HIKESHI: variants seen among roughly 807,000 people sequenced by gnomAD.
HIKESHI encodes protein Hikeshi.
In HIKESHI, 13 loss-of-function variants were observed where a neutral mutation model predicts 25.7. The observed-to-expected ratio is 0.51, with a 90% CI of 0.33 to 0.80. The LOEUF is 0.80. Ranked by LOEUF, HIKESHI falls within the 30% of genes least tolerant of loss-of-function variation. HIKESHI has a pLI of 0.02. For synonymous variants in HIKESHI, 76 were observed against 78.7 expected (o/e 0.97, Z 0.18); for missense variants, 174 against 229.5 (o/e 0.76, Z 1.56).
chr11:86,307,010 A>AGT (rs1946643984), intron 2 of HIKESHI, among the ~76,000 whole-genome samples: 2 of 142,014 alleles, frequency 1.4e-5, no homozygotes, highest in Admixed American at 1.6e-4. Context: ...AAAGAAAAAA[A>AGT]AAATATATAT....
chr11:86,326,397 A>G (rs1947284270), intron 2 of HIKESHI: 1 of 439,372 alleles, frequency 2.3e-6, no homozygotes. Context: ...TTATGTAATT[A>G]TCCATTTACA....
chr11:86,307,170 CATATATCAAATATATATT>C (rs1946653245), intron 2 of HIKESHI, among the ~76,000 whole-genome samples: 1 of 93,706 alleles, frequency 1.1e-5, no homozygotes, highest in South Asian at 3.8e-4. Context: ...TAATATACAT[CATATATCAAATATATATT>C]ATGTGTAATA....
chr11:86,319,109 G>C (rs1197364354), intron 2 of HIKESHI, among the ~76,000 whole-genome samples: 2 of 151,272 alleles, frequency 1.3e-5, no homozygotes, highest in Non-Finnish European at 2.9e-5. Context: ...ATAGGGTCTT[G>C]CCATGTTGCC....
Position 86,302,296 on chromosome 11 carries a change from G to A in HIKESHI, c.-153G>A, listed in dbSNP as rs989172663. On this transcript the variant is annotated 5_prime_UTR_variant, in exon 1 of 5. Coordinates refer to ENST00000278483, the MANE Select transcript of HIKESHI (RefSeq NM_016401.4). ...AAGGTCAGAGTTCGCGGGGGCAGAGGCATTCTTGCCGCTGGCCCAGTCACT... is the reference window on the plus strand; with the variant it reads ...AAGGTCAGAGTTCGCGGGGGCAGAGACATTCTTGCCGCTGGCCCAGTCACT... 3 of 852,046 alleles carry A rather than the reference G, an allele frequency of 3.5e-6. No individual in the cohort carries two copies. Among genetic ancestry groups the A allele is most frequent in the Non-Finnish European group, 5.7e-6 (3 of 528,604 alleles). 52.8% of individuals were successfully genotyped at this position (852,046 alleles called of 1,614,324 possible).
chr11:86,306,721 C>T lies in HIKESHI; in HGVS notation c.268+239C>T, dbSNP rs568099670. 3.5e-3 allele frequency among the ~76,000 whole-genome samples: 538 copies of T among 151,620 alleles called. 10 individuals are homozygous for T. Among genetic ancestry groups the T allele is most frequent in the African/African-American group, 0.012 (507 of 41,380 alleles). Reference sequence around the variant, plus strand: ...CCTTCATAAAAATATTTTTTTTGGCCGGGCGCGGCGGCTCATTCCTGTATC... The same window carrying T: ...CCTTCATAAAAATATTTTTTTTGGCTGGGCGCGGCGGCTCATTCCTGTATC... On this transcript the variant is annotated intron_variant, in intron 2 of 4. Coordinates refer to ENST00000278483, the MANE Select transcript of HIKESHI (RefSeq NM_016401.4).
chr11:86,338,198 C>T (rs1440585652), intron 3 of HIKESHI, among the ~76,000 whole-genome samples: 3 of 152,202 alleles, frequency 2.0e-5, no homozygotes, highest in Admixed American at 2.0e-4. Flanking sequence ...ACTCTTCAAC[C>T]CCTGGCAACC....
intron 2 of HIKESHI, among the ~76,000 whole-genome samples, chr11:86,330,418 G>T (rs1376735436): frequency 2.0e-5 from 3 of 152,090 alleles, no homozygotes; most frequent in African/African-American, 7.2e-5. Flanking sequence ...ATTCAACATT[G>T]CAGCCCTTCA....
intron 2 of HIKESHI, among the ~76,000 whole-genome samples, chr11:86,323,674 C>T (rs962161528): frequency 5.3e-5 from 8 of 152,164 alleles, no homozygotes; most frequent in Non-Finnish European, 1.2e-4. Flanking sequence ...ATGTTCTATC[C>T]TTTTTGTACT....
At chr11:86,331,656 T>G (rs1309128262) in intron 2 of HIKESHI, among the ~76,000 whole-genome samples, 1 of 152,212 alleles carries the variant, frequency 6.6e-6, no homozygotes, top group Non-Finnish European at 1.5e-5. Context: ...TTAGATACTT[T>G]GCTTCATTAA....
rs549415697 is a variant in HIKESHI at position 86,318,176 on chromosome 11, C to T, written c.268+11694C>T. Among the ~76,000 whole-genome samples the T allele has an allele frequency of 6.7e-4, 102 of 151,232 alleles. 1 individual carries two copies. Among genetic ancestry groups the T allele is most frequent in the African/African-American group, 2.2e-3 (91 of 41,264 alleles). The stretch of plus-strand genomic sequence containing the variant: ...AAAAATAGCCGGGCGTGGTGGTGGG[C>T]GCCTGTAATCCTAGCTACTTGAGAG... On this transcript the variant is annotated intron_variant, in intron 2 of 4. Transcript: ENST00000278483.
chr11:86,329,510 C>T (rs535337603), intron 2 of HIKESHI, among the ~76,000 whole-genome samples: 7 of 151,564 alleles, frequency 4.6e-5, no homozygotes, highest in Non-Finnish European at 8.8e-5. Flanking sequence ...ATTTTCTGTA[C>T]AGATGTCGTG....
At chr11:86,308,388 A>C (rs971304230) in intron 2 of HIKESHI, among the ~76,000 whole-genome samples, 1 of 139,982 alleles carries the variant, frequency 7.1e-6, no homozygotes, top group Non-Finnish European at 1.5e-5. Context: ...ATATATAAAA[A>C]ATATATACAC....
intron 1 of HIKESHI, chr11:86,303,305 T>C: frequency 1.6e-6 from 1 of 620,286 alleles, no homozygotes. Flanking sequence ...TGCTGAATTG[T>C]CTTTTTTTCC....
chr11:86,308,210 AATAT>A (rs1946722137), intron 2 of HIKESHI, among the ~76,000 whole-genome samples: 1 of 140,800 alleles, frequency 7.1e-6, no homozygotes, highest in Non-Finnish European at 1.5e-5. Flanking sequence ...TTATATATAA[AATAT>A]ATATTACATA....
chr11:86,307,179 AATATATATTATGTGTAATAT>A, intron 2 of HIKESHI, among the ~76,000 whole-genome samples: 2 of 90,538 alleles, frequency 2.2e-5, no homozygotes, highest in African/African-American at 8.5e-5. Flanking sequence ...TCATATATCA[AATATATATTATGTGTAATAT>A]ACATCATATA....
chr11:86,303,258 T>G lies in HIKESHI; in HGVS notation c.30+780T>G, dbSNP rs146002486. 294 of 268,388 alleles carry G rather than the reference T, an allele frequency of 1.1e-3. 1 individual carries two copies. The highest frequency in any genetic ancestry group is 6.6e-3 in the African/African-American group (289 of 43,526). The allele number at this position is 268,388 out of a possible 1,614,324, so 16.6% of individuals were successfully genotyped here. A position where few individuals can be genotyped will look rare whatever the true frequency, so the allele number is the denominator to read the frequency against. On this transcript the variant is annotated intron_variant, in intron 1 of 4. Coordinates refer to ENST00000278483, the MANE Select transcript of HIKESHI (RefSeq NM_016401.4). ...TTTCCCCTAGAAGTATTTTTCCTTCTTTTTTCTCCTGGCTTTTTAAAATGT... is the reference window on the plus strand; with the variant it reads ...TTTCCCCTAGAAGTATTTTTCCTTCGTTTTTCTCCTGGCTTTTTAAAATGT...
At chr11:86,332,264 C>T (rs1010302828) in intron 2 of HIKESHI, among the ~76,000 whole-genome samples, 8 of 151,918 alleles carry the variant, frequency 5.3e-5, no homozygotes, top group South Asian at 4.1e-4. Context: ...GTGCCCGGCC[C>T]GTAACTGTTT....
intron 2 of HIKESHI, among the ~76,000 whole-genome samples, chr11:86,307,030 AAT>A (rs1167604274): frequency 1.4e-5 from 2 of 143,478 alleles, no homozygotes; most frequent in African/African-American, 2.5e-5. Flanking sequence ...TATATATATA[AAT>A]ATATATATTA....
chr11:86,341,879 A>T (rs1205053827), intron 3 of HIKESHI, among the ~76,000 whole-genome samples: 1 of 152,206 alleles, frequency 6.6e-6, no homozygotes, highest in Non-Finnish European at 1.5e-5. Context: ...AAATAGTATT[A>T]TTCTGTATAA....
Sources: gnomAD v4.1 joint callset for allele counts (sites outside exome capture counted in the v4.1 genomes callset) on GRCh38, gnomAD v4.1.1 for gene constraint, MANE v1.5 for transcripts, NCBI Gene and HGNC (gene_info 2026-07-23, HGNC 2026-07-21) for gene names.